EPS15: variants seen among roughly 807,000 people sequenced by gnomAD.
EPS15 encodes epidermal growth factor receptor pathway substrate 15.
A neutral mutation model predicts 113.8 loss-of-function variants in EPS15; 72 were observed. That is an observed-to-expected ratio of 0.63 (90% CI 0.52 to 0.77). EPS15 has a LOEUF of 0.77. EPS15 is among the 30% of genes least tolerant of loss of function. The pLI is 0.00. For missense variants in EPS15, 1,048 were observed against 1,045.8 expected (o/e 1.00, Z -0.03); for synonymous variants, 344 against 363.4 (o/e 0.95, Z 0.61).
rs1355641087 is a variant in EPS15, at chr1:51,464,914, ATTGT to A, written c.375+343_375+346del. 7.2e-5 allele frequency among the ~76,000 whole-genome samples: 11 copies of A among 152,212 alleles called. No homozygotes were observed. In the East Asian group the frequency reaches 1.3e-3, roughly 19 times the overall value. Reference sequence around the variant, plus strand: ...TATTTCTAAAAAGATTTCATAAAGAATTGTTTGTTTTAGAGTCATCTAGAAAATA... The same window carrying A: ...TATTTCTAAAAAGATTTCATAAAGAATTGTTTTAGAGTCATCTAGAAAATA... On this transcript the variant is annotated intron_variant, in intron 6 of 24. Transcript: ENST00000371733.
chr1:51,389,081 C>T (rs1481865981), intron 21 of EPS15, among the ~76,000 whole-genome samples: 1 of 152,172 alleles, frequency 6.6e-6, no homozygotes, highest in East Asian at 1.9e-4. Flanking sequence ...CAAATACTGG[C>T]AAACCGAATC....
rs1650789770 is a variant in EPS15, at chr1:51,421,878, T to C, written c.1041-20A>G. 1.2e-6 allele frequency: 2 copies of C among 1,611,282 alleles called. No homozygotes were observed. Among genetic ancestry groups the C allele is most frequent in the Non-Finnish European group, 1.7e-6 (2 of 1,178,284 alleles). On this transcript the variant is annotated intron_variant, in intron 12 of 24. Coordinates refer to ENST00000371733, the MANE Select transcript of EPS15 (RefSeq NM_001981.3). ...TTTTCCCTAGAAGACCAGCAAACAA[T>C]GCAAGAATATTTTAGAACATCAGCT...
At chr1:51,480,042 G>A (rs139211481) in intron 2 of EPS15, among the ~76,000 whole-genome samples, 6 of 152,188 alleles carry the variant, frequency 3.9e-5, no homozygotes, top group African/African-American at 1.2e-4. Flanking sequence ...AAGAACAAAT[G>A]TAACAGGGGA....
At chr1:51,507,566 C>A (rs982534025) in intron 1 of EPS15, among the ~76,000 whole-genome samples, 1 of 151,588 alleles carries the variant, frequency 6.6e-6, no homozygotes, top group Non-Finnish European at 1.5e-5. Flanking sequence ...GATACTGAGG[C>A]AGGAGAACTG....
intron 21 of EPS15, among the ~76,000 whole-genome samples, chr1:51,368,836 C>G (rs1646572656): frequency 6.6e-6 from 1 of 152,104 alleles, no homozygotes; most frequent in Non-Finnish European, 1.5e-5. Flanking sequence ...CCTCTGACCT[C>G]AAGCAATCTG....
chr1:51,512,090 C>A (rs1291387117), intron 1 of EPS15, among the ~76,000 whole-genome samples: 1 of 152,030 alleles, frequency 6.6e-6, no homozygotes, highest in Non-Finnish European at 1.5e-5. Context: ...TACTTTTGCA[C>A]AAAATATTCA....
chr1:51,459,252 T>A (rs1011920852), intron 8 of EPS15: 1 of 152,244 alleles, frequency 6.6e-6, no homozygotes, highest in African/African-American at 2.4e-5. Context: ...ATCCCAGCAC[T>A]TTGGGAGGCT....
At chr1:51,490,958 A>T (rs1052681403) in intron 1 of EPS15, among the ~76,000 whole-genome samples, 1 of 152,216 alleles carries the variant, frequency 6.6e-6, no homozygotes, top group Non-Finnish European at 1.5e-5. Flanking sequence ...GGAAAATTGG[A>T]TGAAGGGTGC....
At chr1:51,455,967 T>C (rs1375419162) in intron 8 of EPS15, among the ~76,000 whole-genome samples, 1 of 150,390 alleles carries the variant, frequency 6.6e-6, no homozygotes, top group South Asian at 2.1e-4. Context: ...ACCAAAAAAC[T>C]AAAAGATATT....
chr1:51,400,368 C>T (rs1425214069), intron 19 of EPS15, among the ~76,000 whole-genome samples: 2 of 152,026 alleles, frequency 1.3e-5, no homozygotes, highest in African/African-American at 2.4e-5. Context: ...ATTTAAAGCA[C>T]CAAAGTCTAA....
chr1:51,368,485 C>T (rs1646559655), intron 21 of EPS15, among the ~76,000 whole-genome samples: 1 of 152,150 alleles, frequency 6.6e-6, no homozygotes. Flanking sequence ...AAAAGATGGC[C>T]TTTTCATTGA....
chr1:51,471,590 T>TA, intron 4 of EPS15, 100 bp downstream of exon 4: 1 of 957,102 alleles, frequency 1.0e-6, no homozygotes, highest in Admixed American at 2.0e-5. Flanking sequence ...CTAATGTTGG[T>TA]AAAAACCAAT....
chr1:51,395,083 A>G (rs1647795312), intron 20 of EPS15, among the ~76,000 whole-genome samples: 1 of 152,108 alleles, frequency 6.6e-6, no homozygotes, highest in South Asian at 2.1e-4. Context: ...TTTTCCTCAA[A>G]TCCTGGCCTC....
chr1:51,378,430 G>C (rs897989727), intron 21 of EPS15, among the ~76,000 whole-genome samples: 1 of 152,076 alleles, frequency 6.6e-6, no homozygotes, highest in African/African-American at 2.4e-5. Context: ...ACTGAGGTGG[G>C]AGGACTGCTT....
intron 21 of EPS15, chr1:51,382,220 A>G (rs1349629327): frequency 6.6e-6 from 1 of 152,216 alleles, no homozygotes; most frequent in Non-Finnish European, 1.5e-5. Context: ...AACACAAGTC[A>G]TGGAGACTGA....
chr1:51,508,885 T>C (rs1644570109), intron 1 of EPS15, among the ~76,000 whole-genome samples: 1 of 152,228 alleles, frequency 6.6e-6, no homozygotes, highest in Non-Finnish European at 1.5e-5. Context: ...AATGTTCCTA[T>C]AGATTTATGT....
At chr1:51,358,470 T>C (rs1011295845) in intron 24 of EPS15, among the ~76,000 whole-genome samples, 4 of 152,168 alleles carry the variant, frequency 2.6e-5, no homozygotes, top group African/African-American at 9.7e-5. Flanking sequence ...TCTTGTTACA[T>C]AGAAAATCCT....
chr1:51,508,354 A>G (rs1404049536), intron 1 of EPS15, among the ~76,000 whole-genome samples: 7 of 149,838 alleles, frequency 4.7e-5, no homozygotes, highest in African/African-American at 9.8e-5. Flanking sequence ...GAAAGAAAGA[A>G]AGAAAGAAAG....
chr1:51,369,351 G>A (rs1646588533), intron 21 of EPS15, among the ~76,000 whole-genome samples: 1 of 152,154 alleles, frequency 6.6e-6, no homozygotes. Context: ...AACTTGTTCA[G>A]ATCACGCGTA....
Sources: allele counts gnomAD v4.1 joint callset (sites outside exome capture counted in the v4.1 genomes callset), GRCh38; gene constraint gnomAD v4.1.1; transcripts MANE v1.5; gene names NCBI Gene and HGNC (gene_info 2026-07-23, HGNC 2026-07-21).